Variants in FAT4 observed in about 807,000 individuals in gnomAD.
FAT4 encodes FAT atypical cadherin 4.
FAT4 carries 84 observed loss-of-function variants against 303.9 expected under a neutral mutation model. That is an observed-to-expected ratio of 0.28 (90% CI 0.23 to 0.33). FAT4 has a LOEUF of 0.33. Among genes scored for constraint, FAT4 ranks in the 10% least tolerant of loss-of-function variants. The probability of loss-of-function intolerance (pLI) is 1.00; values close to 1 mark genes in which losing one functional copy is unlikely to be tolerated. For synonymous variants in FAT4, 2,307 were observed against 2,298.8 expected, an observed-to-expected ratio of 1.00 and a Z score of -0.10; for missense variants, 6,005 against 6,146.8, an observed-to-expected ratio of 0.98 and a Z score of 0.77.
chr4:125,334,522 C>A (rs1731500673), intron 2 of FAT4, among the ~76,000 whole-genome samples: 1 of 152,128 alleles, frequency 6.6e-6, no homozygotes, highest in Non-Finnish European at 1.5e-5. Flanking sequence ...GATCTCCTGT[C>A]TTCAAATTAA....
rs1731914122 is a variant in FAT4, at chr4:125,344,281, G to T, written c.5175+22695G>T. On this transcript the variant is annotated intron_variant, in intron 2 of 17. Transcript: ENST00000394329. ...GTATGGATTTCCCAACTACCTTGAA[G>T]AATTGAGAAGCAAATTTATTAGGTG... 3.3e-5 allele frequency among the ~76,000 whole-genome samples: 5 copies of T among 152,092 alleles called. No individual in the cohort carries two copies. In the South Asian group the frequency reaches 1.0e-3, roughly 32 times the overall value.
At chr4:125,355,342 T>A (rs1003666852) in intron 2 of FAT4, among the ~76,000 whole-genome samples, 3 of 152,004 alleles carry the variant, frequency 2.0e-5, no homozygotes, top group Non-Finnish European at 4.4e-5. Flanking sequence ...CATATTTTAA[T>A]GTAACAAAAA....
At position 125,406,989 on chromosome 4, in the gene FAT4, G is replaced by A. The variant is rs781638960; in HGVS notation, c.5417G>A (p.Arg1806His). 6.3e-5 allele frequency: 101 copies of A among 1,613,662 alleles called. No homozygotes were observed. Among genetic ancestry groups the A allele is most frequent in the Non-Finnish European group, 7.7e-5 (91 of 1,179,866 alleles). Residue 1806 changes from arginine to histidine, a missense_variant, in exon 4 of 18, where the codon CGC becomes CAC. Arg to His is a conservative substitution (Grantham distance 29). Coordinates refer to ENST00000394329, the MANE Select transcript of FAT4 (RefSeq NM_001291303.3). Reference sequence around the variant, plus strand: ...GCAACCAGGCGGTTGGACAGGGAACGCCGCTCCAAATATTCACTGCTAGTT... The same window carrying A: ...GCAACCAGGCGGTTGGACAGGGAACACCGCTCCAAATATTCACTGCTAGTT... ...LIATRRLDRE[R>H]RSKYSLLVRA...
Position 125,490,149 on chromosome 4 carries a change from C to G in FAT4, c.13333C>G (p.Pro4445Ala), listed in dbSNP as rs761505085. 2 of 1,614,086 alleles carry G rather than the reference C, an allele frequency of 1.2e-6. No homozygotes were observed. The highest frequency in any genetic ancestry group is 4.5e-5 in the East Asian group (2 of 44,846). ...HPCQNGGSCEPGLHSGFTCSC... is the reference protein window; with the variant it reads ...HPCQNGGSCEAGLHSGFTCSC... ...GTGCCAGAATGGTGGCAGCTGTGAG[C>G]CAGGCCTGCACTCCGGCTTCACCTG... The change falls in exon 18 of 18, where the codon CCA becomes GCA. Residue 4445 changes from proline (P) to alanine (A), a missense_variant. Physicochemically the swap from Pro to Ala is conservative, Grantham distance 27 (BLOSUM62 -1). Transcript: ENST00000394329.
rs1169186636 is a variant in FAT4, at chr4:125,450,031, T to C, written c.9021T>C (p.Val3007=). The change falls in exon 10 of 18, where the codon GTT becomes GTC. Residue 3007 remains valine, a synonymous_variant. Coordinates refer to ENST00000394329, the MANE Select transcript of FAT4 (RefSeq NM_001291303.3). ...NVKVGTKLIR[V]TAIDDKDFGL... is the part of the protein sequence containing the mutation. ...AGGTTGGTACGAAGTTAATCAGAGT[T>C]ACAGCAATAGATGACAAAGATTTTG... The C allele has an allele frequency of 6.2e-7, 1 of 1,613,862 alleles. No individual in the cohort carries two copies. Among genetic ancestry groups the C allele is most frequent in the Non-Finnish European group, 8.5e-7 (1 of 1,179,966 alleles).
rs747752473 is a variant in FAT4 at position 125,315,729 on chromosome 4, G to T, written c.-261G>T. Among the ~76,000 whole-genome samples, 1 of 152,176 alleles carries T rather than the reference G, an allele frequency of 6.6e-6. No individual in the cohort carries two copies. The highest frequency in any genetic ancestry group is 1.5e-5 in the Non-Finnish European group (1 of 68,028). On this transcript the variant is annotated 5_prime_UTR_variant, in exon 1 of 18. Transcript: ENST00000394329. ...CGGGTACGGGAGCCAGAGCGCGAAC[G>T]CTAGCGCTTGGAACGCAGTTCCCGA...
chr4:125,487,664 A>C (rs1727459550), intron 17 of FAT4, 58 bp downstream of exon 17: 2 of 1,496,350 alleles, frequency 1.3e-6, no homozygotes, highest in East Asian at 4.6e-5. Context: ...TCAAAAAGTA[A>C]TTGCTTTTTC....
intron 7 of FAT4, among the ~76,000 whole-genome samples, chr4:125,430,025 G>A (rs563726430): frequency 1.6e-4 from 24 of 152,280 alleles, no homozygotes; most frequent in South Asian, 4.1e-4. Context: ...GTGGGATGAG[G>A]GGGGAGGGAA....
intron 8 of FAT4, among the ~76,000 whole-genome samples, chr4:125,441,597 C>G (rs1048738961): frequency 6.6e-6 from 1 of 152,130 alleles, no homozygotes; most frequent in East Asian, 1.9e-4. Flanking sequence ...ATAATTTGTA[C>G]AAAGCAAAGC....
At position 125,447,194 on chromosome 4, in the gene FAT4, T is replaced by C. The variant is rs146022027; in HGVS notation, c.7450+651T>C. On this transcript the variant is annotated intron_variant, in intron 9 of 17. Coordinates refer to ENST00000394329, the MANE Select transcript of FAT4 (RefSeq NM_001291303.3). ...TTGACATTTGCTAAGAAAGGCATAC[T>C]CTAAGAACTGCACAAATCTGCCATT... Among the ~76,000 whole-genome samples, 1,126 of 152,226 alleles carry C rather than the reference T, an allele frequency of 7.4e-3. 8 individuals carry two copies. Among genetic ancestry groups the C allele is most frequent in the African/African-American group, 0.025 (1,047 of 41,552 alleles).
intron 2 of FAT4, among the ~76,000 whole-genome samples, chr4:125,322,520 A>C (rs1198567034): frequency 6.6e-6 from 1 of 152,044 alleles, no homozygotes; most frequent in African/African-American, 2.4e-5. Context: ...GCTGTTTCTC[A>C]GTTCATTCTT....
intron 2 of FAT4, among the ~76,000 whole-genome samples, chr4:125,326,307 C>A (rs1284945891): frequency 2.0e-5 from 3 of 151,730 alleles, no homozygotes; most frequent in Non-Finnish European, 4.4e-5. Flanking sequence ...CACAGTAGTG[C>A]ACCTTAGATT....
chr4:125,373,928 A>T (rs1733219678), intron 2 of FAT4, among the ~76,000 whole-genome samples: 1 of 152,226 alleles, frequency 6.6e-6, no homozygotes, highest in Non-Finnish European at 1.5e-5. Flanking sequence ...AATAATAAGG[A>T]CTATGTATAT....
Position 125,448,547 on chromosome 4 carries a change from GA to G in FAT4, c.7542del (p.Lys2514AsnfsTer7), listed in dbSNP as rs1725909565. 6.2e-7 allele frequency: 1 copy of G among 1,613,832 alleles called. No individual in the cohort carries two copies. Among genetic ancestry groups the G allele is most frequent in the Non-Finnish European group, 8.5e-7 (1 of 1,179,866 alleles). On this transcript the variant is annotated frameshift_variant, in exon 10 of 18. Transcript: ENST00000394329. LOFTEE classifies it high-confidence loss of function. ...TTATTCTCTTTCGGGTAGAAATTCT[GA>G]AAAATTTCACATTGACCCACTGAGG... ...LHYSLSGRNSEKFHIDPLRGA... is the reference protein window; with the variant it reads ...LHYSLSGRNSXKFHIDPLRGA...
chr4:125,470,831 T>C (rs1726831820), intron 12 of FAT4, among the ~76,000 whole-genome samples: 1 of 152,248 alleles, frequency 6.6e-6, no homozygotes, highest in African/African-American at 2.4e-5. Flanking sequence ...GTAGCACCTT[T>C]AATTTCCTTC....
chr4:125,340,984 G>A lies in FAT4; in HGVS notation c.5175+19398G>A, dbSNP rs531663950. 2.0e-5 allele frequency among the ~76,000 whole-genome samples: 3 copies of A among 152,254 alleles called. No homozygotes were observed. The South Asian group carries it at 6.2e-4, about 32-fold the overall frequency. On this transcript the variant is annotated intron_variant, in intron 2 of 17. Transcript: ENST00000394329. ...CTGTTTATTAAGTTTGTGTAAATGT[G>A]TTATGTGTTGTTATGTAGCTTTAGA... is the stretch of plus-strand genomic sequence containing the variant.
At chr4:125,321,780 CAACA>C in intron 2 of FAT4, among the ~76,000 whole-genome samples, 194 bp downstream of exon 2, 1 of 152,216 alleles carries the variant, frequency 6.6e-6, no homozygotes, top group Admixed American at 6.5e-5. Flanking sequence ...TGCAACTAAA[CAACA>C]AACTTTCTTT....
intron 10 of FAT4, among the ~76,000 whole-genome samples, chr4:125,456,635 A>C (rs1726290695): frequency 1.3e-5 from 2 of 152,156 alleles, no homozygotes; most frequent in Admixed American, 1.3e-4. Context: ...GTATTGCTTA[A>C]ATTTCTATAG....
In FAT4 at chr4:125,468,629, A is replaced by G; in HGVS notation, c.12023A>G (p.Lys4008Arg). Reference protein sequence around the residue: ...NYIYVKFATIKSHALLLYNYD... With the variant: ...NYIYVKFATIRSHALLLYNYD... ...ATTTATGTCAAATTTGCCACGATTA[A>G]AAGTCATGCCTTATTGCTTTACAAC... Residue 4008 changes from lysine to arginine, a missense_variant, in exon 12 of 18, where the codon AAA (lysine) becomes AGA (arginine). Physicochemically the swap from Lys to Arg is conservative, Grantham distance 26 (BLOSUM62 2). Coordinates refer to ENST00000394329, the MANE Select transcript of FAT4 (RefSeq NM_001291303.3). 6.2e-7 allele frequency: 1 copy of G among 1,614,126 alleles called. No homozygotes were observed. Among genetic ancestry groups the G allele is most frequent in the Non-Finnish European group, 8.5e-7 (1 of 1,180,008 alleles).
Sources: allele counts gnomAD v4.1 joint callset (sites outside exome capture counted in the v4.1 genomes callset), GRCh38; gene constraint gnomAD v4.1.1; transcripts MANE v1.5; gene names NCBI Gene and HGNC (gene_info 2026-07-23, HGNC 2026-07-21).